GAB2: variants seen among roughly 807,000 people sequenced by gnomAD.
The protein encoded by GAB2 is GRB2-associated-binding protein 2.
A neutral mutation model predicts 65.5 loss-of-function variants in GAB2; 26 were observed. The ratio of observed to expected loss-of-function variants is 0.40; its 90% CI spans 0.29 to 0.55. GAB2 has a LOEUF of 0.55. Ranked by LOEUF, GAB2 falls within the 20% of genes least tolerant of loss-of-function variation. GAB2 has a pLI of 0.53. For missense variants in GAB2, 884 were observed against 875.8 expected, an observed-to-expected ratio of 1.01 and a Z score of -0.12; for synonymous variants, 321 against 329.6, an observed-to-expected ratio of 0.97 and a Z score of 0.28.
At chr11:78,411,813 C>T (rs532544628) in intron 1 of GAB2, among the ~76,000 whole-genome samples, 1 of 151,902 alleles carries the variant, frequency 6.6e-6, no homozygotes, top group Admixed American at 6.6e-5. Flanking sequence ...GGGCGGATCA[C>T]GAGGTCAAGA....
At chr11:78,366,537 G>T (rs1443706550) in intron 1 of GAB2, among the ~76,000 whole-genome samples, 1 of 114,896 alleles carries the variant, frequency 8.7e-6, no homozygotes, top group Non-Finnish European at 1.6e-5. Flanking sequence ...AGTAAACTGA[G>T]ATCACACCAC....
At chr11:78,338,153 G>A (rs528351315) in intron 1 of GAB2, among the ~76,000 whole-genome samples, 1 of 152,332 alleles carries the variant, frequency 6.6e-6, no homozygotes, top group Non-Finnish European at 1.5e-5. Context: ...AGCATTGAAT[G>A]TTCAATGTTC....
At chr11:78,354,931 G>A (rs977098338) in intron 1 of GAB2, among the ~76,000 whole-genome samples, 4 of 152,222 alleles carry the variant, frequency 2.6e-5, no homozygotes, top group African/African-American at 9.6e-5. Context: ...AAGTGAAACA[G>A]CCTGGCGGCT....
intron 1 of GAB2, among the ~76,000 whole-genome samples, chr11:78,406,331 T>G (rs1023111648): frequency 6.6e-6 from 1 of 152,160 alleles, no homozygotes; most frequent in African/African-American, 2.4e-5. Flanking sequence ...AACACAAGGT[T>G]TAAATTAGAT....
At chr11:78,394,169 T>C (rs963200254) in intron 1 of GAB2, among the ~76,000 whole-genome samples, 1 of 152,154 alleles carries the variant, frequency 6.6e-6, no homozygotes, top group Non-Finnish European at 1.5e-5. Flanking sequence ...GCATCTCTAG[T>C]CCCAGCTACT....
chr11:78,274,001 TG>T (rs1866092441), intron 2 of GAB2, among the ~76,000 whole-genome samples: 1 of 139,454 alleles, frequency 7.2e-6, no homozygotes, highest in African/African-American at 2.9e-5. Context: ...CTATTAAACC[TG>T]TTTTTTTTTT....
In GAB2 at chr11:78,215,488, A is replaced by C. The variant is rs1340721293; in HGVS notation, c.*3784T>G. The C allele has an allele frequency of 2.6e-5, 4 of 152,686 alleles. No homozygotes were observed. The highest frequency in any genetic ancestry group is 5.9e-5 in the Non-Finnish European group (4 of 68,050). 9.5% of individuals were successfully genotyped at this position (152,686 alleles called of 1,614,324 possible). ...TACAACAGAATAAATTAATAACTTA[A>C]GTGATTAGGCACCAACAGTGATTTG... On this transcript the variant is annotated 3_prime_UTR_variant, in exon 10 of 10. Transcript: ENST00000361507.
chr11:78,224,824 C>T (rs1052493686), intron 5 of GAB2, among the ~76,000 whole-genome samples: 4 of 152,062 alleles, frequency 2.6e-5, no homozygotes, highest in African/African-American at 7.2e-5. Flanking sequence ...GTTCCCCCAC[C>T]GTGCAGCCTG....
In GAB2 at chr11:78,222,069, G is replaced by A. The variant is rs202242455; in HGVS notation, c.1658+36C>T. Reference sequence around the variant, plus strand: ...CATCACTCATTTTCCCTAATGGCCCGACTCCAAGCTCCCACCCCCACACAT... The same window carrying A: ...CATCACTCATTTTCCCTAATGGCCCAACTCCAAGCTCCCACCCCCACACAT... On this transcript the variant is annotated intron_variant, in intron 7 of 9. Coordinates refer to ENST00000361507, the MANE Select transcript of GAB2 (RefSeq NM_080491.3). 2.9e-4 allele frequency: 407 copies of A among 1,388,210 alleles called. 1 individual carries two copies. The African/African-American group carries it at 5.1e-3, about 17-fold the overall frequency. The allele number at this position is 1,388,210 out of a possible 1,614,324, so 86.0% of individuals were successfully genotyped here.
Position 78,417,730 on chromosome 11 carries a change from C to A in GAB2, c.-10G>T. On this transcript the variant is annotated 5_prime_UTR_variant, in exon 1 of 10. The change creates a new upstream start codon in the 5' untranslated region. Coordinates refer to ENST00000361507, the MANE Select transcript of GAB2 (RefSeq NM_080491.3). Reference sequence around the variant, plus strand: ...CGCCGCCGCCGCTCATGCTGCCGGCCTGGAGCCCCCCGCCGGGTCGCGCGG... The same window carrying A: ...CGCCGCCGCCGCTCATGCTGCCGGCATGGAGCCCCCCGCCGGGTCGCGCGG... 1 of 1,281,716 alleles carries A rather than the reference C, an allele frequency of 7.8e-7. No homozygotes were observed. Among genetic ancestry groups the A allele is most frequent in the South Asian group, 1.7e-5 (1 of 58,776 alleles). The allele number at this position is 1,281,716 out of a possible 1,614,324, so 79.4% of individuals were successfully genotyped here. A position where few individuals can be genotyped will look rare whatever the true frequency, so the allele number is the denominator to read the frequency against.
intron 1 of GAB2, among the ~76,000 whole-genome samples, chr11:78,368,357 GA>G (rs1464809195): frequency 6.6e-6 from 1 of 152,160 alleles, no homozygotes; most frequent in Non-Finnish European, 1.5e-5. Flanking sequence ...TTGCTATTTA[GA>G]AATATAGTAA....
chr11:78,278,595 T>A (rs1590992713), intron 2 of GAB2, among the ~76,000 whole-genome samples: 1 of 151,634 alleles, frequency 6.6e-6, no homozygotes, highest in African/African-American at 2.4e-5. Flanking sequence ...GTCAGGATGG[T>A]CTCGAACTCC....
At chr11:78,249,404 T>C (rs181371341) in intron 3 of GAB2, among the ~76,000 whole-genome samples, 34 of 152,372 alleles carry the variant, frequency 2.2e-4, no homozygotes, top group Admixed American at 1.1e-3. Context: ...CTGGCTATGG[T>C]AGCAACTGGG....
At chr11:78,309,926 A>ATGTGTGTGTG (rs60718900) in intron 1 of GAB2, among the ~76,000 whole-genome samples, 137 of 135,692 alleles carry the variant, frequency 1.0e-3, no homozygotes, top group East Asian at 7.6e-3. Context: ...AGGGTTAGAA[A>ATGTGTGTGTG]TGTGTGTGTG....
At chr11:78,408,215 AT>A (rs1411284518) in intron 1 of GAB2, among the ~76,000 whole-genome samples, 27 of 152,262 alleles carry the variant, frequency 1.8e-4, no homozygotes, top group Admixed American at 4.6e-4. Context: ...TATAAAAAAA[AT>A]ATTTAAGACA....
intron 1 of GAB2, chr11:78,364,067 G>A (rs1256892155): frequency 6.6e-6 from 1 of 152,138 alleles, no homozygotes; most frequent in Admixed American, 6.5e-5. Context: ...GTTAATTCTT[G>A]TCAAGCAGAT....
chr11:78,338,133 C>G (rs1203683789), intron 1 of GAB2, among the ~76,000 whole-genome samples: 1 of 152,208 alleles, frequency 6.6e-6, no homozygotes, highest in Non-Finnish European at 1.5e-5. Context: ...GTTACCATCA[C>G]CATCATAAGA....
Position 78,263,566 on chromosome 11 carries a change from G to A in GAB2, c.377-13166C>T, listed in dbSNP as rs567570689. Reference sequence around the variant, plus strand: ...GAGAATTGCTTGAACCCAGGAGGCAGAGGTTGCAGTGAGCCGAGATCGCGC... The same window carrying A: ...GAGAATTGCTTGAACCCAGGAGGCAAAGGTTGCAGTGAGCCGAGATCGCGC... On this transcript the variant is annotated intron_variant, in intron 2 of 9. Transcript: ENST00000361507. Among the ~76,000 whole-genome samples the A allele has an allele frequency of 1.4e-3, 210 of 151,266 alleles. 1 individual carries two copies. The highest frequency in any genetic ancestry group is 2.1e-3 in the Non-Finnish European group (144 of 67,928).
At chr11:78,263,330 G>A (rs1338942881) in intron 2 of GAB2, among the ~76,000 whole-genome samples, 1 of 151,584 alleles carries the variant, frequency 6.6e-6, no homozygotes, top group African/African-American at 2.4e-5. Flanking sequence ...TCAGCATACA[G>A]AATTTAAAGA....
Sources: allele counts gnomAD v4.1 joint callset (sites outside exome capture counted in the v4.1 genomes callset), GRCh38; gene constraint gnomAD v4.1.1; transcripts MANE v1.5; gene names NCBI Gene and HGNC (gene_info 2026-07-23, HGNC 2026-07-21).